Variants in ADAM12 observed in about 807,000 individuals in gnomAD.
The protein encoded by ADAM12 is disintegrin and metalloproteinase domain-containing protein 12.
A neutral mutation model predicts 106.4 loss-of-function variants in ADAM12; 70 were observed. The ratio of observed to expected loss-of-function variants is 0.66; its 90% CI spans 0.54 to 0.80. The LOEUF is 0.80. Ranked by LOEUF, ADAM12 falls within the 30% of genes least tolerant of loss-of-function variation. The pLI is 0.00. For missense variants in ADAM12, 1,010 were observed against 1,171.9 expected, an observed-to-expected ratio of 0.86 and a Z score of 2.02; for synonymous variants, 420 against 433.5, an observed-to-expected ratio of 0.97 and a Z score of 0.39.
At chr10:126,289,167 C>A (rs1565193279) in intron 2 of ADAM12, among the ~76,000 whole-genome samples, 1 of 152,186 alleles carries the variant, frequency 6.6e-6, no homozygotes, top group Non-Finnish European at 1.5e-5. Flanking sequence ...AGTGTGTTGA[C>A]ATCATGTTGC....
chr10:126,146,298 G>A (rs971306344), intron 4 of ADAM12, among the ~76,000 whole-genome samples: 1 of 152,196 alleles, frequency 6.6e-6, no homozygotes, highest in Admixed American at 6.5e-5. Flanking sequence ...CAGGCAGGGA[G>A]AGCCGGTGAG....
chr10:126,183,596 C>A (rs973959285), intron 3 of ADAM12, among the ~76,000 whole-genome samples: 1 of 152,206 alleles, frequency 6.6e-6, no homozygotes, highest in African/African-American at 2.4e-5. Flanking sequence ...GTCAACATGT[C>A]GTCCGCACTT....
chr10:126,162,359 G>T (rs1409762072), intron 3 of ADAM12, among the ~76,000 whole-genome samples: 4 of 152,150 alleles, frequency 2.6e-5, no homozygotes, highest in African/African-American at 9.7e-5. Context: ...AAGGCATGGG[G>T]GTGCAGAAAC....
At chr10:126,383,610 G>A (rs989519051) in intron 1 of ADAM12, among the ~76,000 whole-genome samples, 18 of 151,672 alleles carry the variant, frequency 1.2e-4, no homozygotes, top group African/African-American at 4.3e-4. Context: ...CTTCCAAAAA[G>A]AAAAAAAGAC....
At chr10:126,150,068 T>C (rs1008746344) in intron 4 of ADAM12, among the ~76,000 whole-genome samples, 16 of 152,252 alleles carry the variant, frequency 1.1e-4, no homozygotes, top group Admixed American at 8.5e-4. Context: ...TTTGAATGCA[T>C]ATTTTACACA....
intron 3 of ADAM12, among the ~76,000 whole-genome samples, chr10:126,253,654 C>G (rs1958830724): frequency 6.6e-6 from 1 of 152,160 alleles, no homozygotes; most frequent in South Asian, 2.1e-4. Context: ...CCTCTGACAG[C>G]TCCTGGACTC....
chr10:126,044,997 T>C (rs1167255636), intron 17 of ADAM12, among the ~76,000 whole-genome samples: 2 of 152,266 alleles, frequency 1.3e-5, no homozygotes, highest in African/African-American at 4.8e-5. Context: ...GTGGCCAAGC[T>C]ACCCTTCAGC....
At chr10:126,357,323 G>C (rs1248595512) in intron 1 of ADAM12, among the ~76,000 whole-genome samples, 1 of 152,064 alleles carries the variant, frequency 6.6e-6, no homozygotes, top group Non-Finnish European at 1.5e-5. Context: ...AGTGCTGAGG[G>C]AGGGGGAAAA....
rs1954555827 is a variant in ADAM12 at position 126,053,446 on chromosome 10, C to T, written c.1610-3777G>A. On this transcript the variant is annotated intron_variant, in intron 14 of 22. Coordinates refer to ENST00000448723, the MANE Select transcript of ADAM12 (RefSeq NM_001288973.2). The surrounding 1 kb of genome is among the most constrained non-coding windows in gnomAD (Gnocchi z 4.6). ...AATAACGCAGAAGCATGGTACACGCCCCAGCAGAAGGCCACCTGGCATTTC... is the reference window on the plus strand; with the variant it reads ...AATAACGCAGAAGCATGGTACACGCTCCAGCAGAAGGCCACCTGGCATTTC... Among the ~76,000 whole-genome samples, 1 of 152,000 alleles carries T rather than the reference C, an allele frequency of 6.6e-6. No homozygotes were observed. The highest frequency in any genetic ancestry group is 1.5e-5 in the Non-Finnish European group (1 of 68,002).
At chr10:126,203,690 T>C (rs1257556251) in intron 3 of ADAM12, among the ~76,000 whole-genome samples, 2 of 152,230 alleles carry the variant, frequency 1.3e-5, no homozygotes, top group Non-Finnish European at 2.9e-5. Flanking sequence ...CAAATATCTT[T>C]TGAGGTAAAA....
chr10:126,123,595 G>A (rs564749393), intron 5 of ADAM12, among the ~76,000 whole-genome samples: 1 of 152,284 alleles, frequency 6.6e-6, no homozygotes, highest in South Asian at 2.1e-4. Context: ...CAGGTTCTGG[G>A]CTGCGCTCCG....
chr10:126,206,859 G>GGA lies in ADAM12; in HGVS notation c.261-51555_261-51554insTC, dbSNP rs1554986886. The stretch of plus-strand genomic sequence containing the variant: ...CCCTGAATTCCCATGTGTTGTGGGG[G>GGA]CGGGGGGGAGCCAGTGGGAGGTAAT... On this transcript the variant is annotated intron_variant, in intron 3 of 22. Coordinates refer to ENST00000448723, the MANE Select transcript of ADAM12 (RefSeq NM_001288973.2). Among the ~76,000 whole-genome samples the GGA allele has an allele frequency of 2.1e-3, 268 of 129,934 alleles. 28 individuals carry two copies. The highest frequency in any genetic ancestry group is 3.9e-3 in the Middle Eastern group (1 of 258). 85.2% of individuals were successfully genotyped at this position (129,934 alleles called of 152,430 possible). A position where few individuals can be genotyped will look rare whatever the true frequency, so the allele number is the denominator to read the frequency against.
intron 8 of ADAM12, among the ~76,000 whole-genome samples, chr10:126,103,601 CG>C (rs1955708918): frequency 6.6e-6 from 1 of 152,180 alleles, no homozygotes; most frequent in African/African-American, 2.4e-5. Flanking sequence ...CTAACCCTGA[CG>C]CTCATGTTTG....
chr10:126,109,926 G>T (rs1009687438), intron 6 of ADAM12, 86 bp from the exon 7 acceptor site: 1 of 1,297,582 alleles, frequency 7.7e-7, no homozygotes. Flanking sequence ...AACACTTTAG[G>T]TTGAGAATGT....
intron 3 of ADAM12, among the ~76,000 whole-genome samples, chr10:126,239,328 T>C (rs1045236695): frequency 2.6e-5 from 4 of 152,204 alleles, no homozygotes; most frequent in South Asian, 4.1e-4. Context: ...GATGAAACCA[T>C]AGCATAGAAT....
At position 126,047,149 on chromosome 10, in the gene ADAM12, C is replaced by T. The variant is rs536694191; in HGVS notation, c.1918-1017G>A. 1.1e-4 allele frequency among the ~76,000 whole-genome samples: 17 copies of T among 152,340 alleles called. No individual in the cohort carries two copies. In the East Asian group the frequency reaches 3.3e-3, roughly 29 times the overall value. ...TACTCCAGACTCAAGGGATGCAGCC[C>T]TTTATCTCCTATAAGATTTTACAAA... On this transcript the variant is annotated intron_variant, in intron 16 of 22. Coordinates refer to ENST00000448723, the MANE Select transcript of ADAM12 (RefSeq NM_001288973.2).
At chr10:126,361,919 C>T (rs4480451) in intron 1 of ADAM12, among the ~76,000 whole-genome samples, 1 of 151,266 alleles carries the variant, frequency 6.6e-6, no homozygotes, top group Non-Finnish European at 1.5e-5. Flanking sequence ...GCAATAAAAG[C>T]AAAAATAAGC....
chr10:126,251,625 A>ATAGG (rs1958758896), intron 3 of ADAM12, among the ~76,000 whole-genome samples: 3 of 148,806 alleles, frequency 2.0e-5, no homozygotes, highest in Non-Finnish European at 4.5e-5. Flanking sequence ...TGGATAGATG[A>ATAGG]ATGGATGGGA....
At chr10:126,111,798 T>A (rs1955873735) in intron 6 of ADAM12, among the ~76,000 whole-genome samples, 1 of 152,122 alleles carries the variant, frequency 6.6e-6, no homozygotes, top group South Asian at 2.1e-4. Flanking sequence ...AGAGAAGCAC[T>A]GGGGGAGTCG....
Sources: allele counts gnomAD v4.1 joint callset (sites outside exome capture counted in the v4.1 genomes callset), GRCh38; gene constraint gnomAD v4.1.1; non-coding constraint Gnocchi (gnomAD v3.1); transcripts MANE v1.5; gene names NCBI Gene and HGNC (gene_info 2026-07-23, HGNC 2026-07-21).